ANK3: variants seen among roughly 807,000 people sequenced by gnomAD.
ANK3 encodes ankyrin 3, also known as ankyrin-3.
Under a neutral mutation model 370.9 loss-of-function variants are expected in ANK3, and 57 were observed. The observed-to-expected ratio is 0.15, with a 90% CI of 0.12 to 0.19. The LOEUF (loss-of-function observed/expected upper bound fraction) is 0.19. ANK3 is among the 10% of genes least tolerant of loss of function. The pLI is 1.00. For missense variants in ANK3, 4,439 were observed against 5,302.1 expected (o/e 0.84, Z 5.06); for synonymous variants, 1,929 against 1,946.3 (o/e 0.99, Z 0.23).
chr10:60,570,158 G>C (rs1050902328), intron 2 of ANK3, among the ~76,000 whole-genome samples: 4 of 152,150 alleles, frequency 2.6e-5, no homozygotes, highest in African/African-American at 9.7e-5. Context: ...AGTAAACTCT[G>C]ATCAGTAAAC....
chr10:60,497,695 T>G lies in ANK3; in HGVS notation c.96+117491A>C, dbSNP rs1055450540. 6.6e-5 allele frequency among the ~76,000 whole-genome samples: 10 copies of G among 152,234 alleles called. 1 individual carries two copies. Among genetic ancestry groups the G allele is most frequent in the African/African-American group, 2.4e-4 (10 of 41,468 alleles). ...TATTTACAGACTAAAAATGTTCATT[T>G]GATTGGCACTGTAGCCATCTATTTT... On this transcript the variant is annotated intron_variant, in intron 2 of 43. Transcript: ENST00000373827.
intron 8 of ANK3, among the ~76,000 whole-genome samples, chr10:60,227,543 TG>T (rs1197121989): frequency 2.0e-5 from 3 of 152,140 alleles, no homozygotes; most frequent in Admixed American, 6.5e-5. Flanking sequence ...TGGACTACAT[TG>T]TATAGATTTA....
At chr10:60,284,311 T>C (rs1023367510) in intron 1 of ANK3, among the ~76,000 whole-genome samples, 1 of 152,132 alleles carries the variant, frequency 6.6e-6, no homozygotes, top group South Asian at 2.1e-4. Flanking sequence ...AGATAATACA[T>C]TTTGATTATT....
chr10:60,269,237 T>C (rs1310241040), intron 5 of ANK3, among the ~76,000 whole-genome samples: 2 of 152,240 alleles, frequency 1.3e-5, no homozygotes, highest in African/African-American at 4.8e-5. Context: ...TAAACAACAT[T>C]ACCTAAGACA....
intron 2 of ANK3, 34 bp from the exon 3 acceptor site, chr10:60,279,182 AG>A: frequency 1.3e-6 from 2 of 1,597,064 alleles, no homozygotes; most frequent in Admixed American, 1.7e-5. Context: ...TCTACTCAGC[AG>A]GTTGAAAATA....
At position 60,081,487 on chromosome 10, in the gene ANK3, A is replaced by G. The variant is rs1327580030; in HGVS notation, c.4350+663T>C. ...AAAACCTAATTATCATATAACTTAGAGAAACATTAGGAGACAACTTAATTG... is the reference window on the plus strand; with the variant it reads ...AAAACCTAATTATCATATAACTTAGGGAAACATTAGGAGACAACTTAATTG... On this transcript the variant is annotated intron_variant, in intron 35 of 43. Coordinates refer to ENST00000280772, the MANE Select transcript of ANK3 (RefSeq NM_020987.5). 3 of 438,698 alleles carry G rather than the reference A, an allele frequency of 6.8e-6. No homozygotes were observed. The Admixed American group carries it at 8.0e-5, about 12-fold the overall frequency. The allele number at this position is 438,698 out of a possible 1,614,324, so 27.2% of individuals were successfully genotyped here.
intron 31 of ANK3, 55 bp downstream of exon 31, chr10:60,085,102 A>G: frequency 1.4e-6 from 2 of 1,441,408 alleles, no homozygotes; most frequent in Non-Finnish European, 1.9e-6. Context: ...TTTACTTTCC[A>G]AAAGGTAATA....
chr10:60,622,701 A>G (rs757019175), intron 1 of ANK3, among the ~76,000 whole-genome samples: 3 of 152,204 alleles, frequency 2.0e-5, no homozygotes, highest in Non-Finnish European at 4.4e-5. Flanking sequence ...TAAAAGAGCT[A>G]TCTTAGTAAA....
chr10:60,176,179 C>CAAAAAAAAA (rs1328240039), intron 18 of ANK3, among the ~76,000 whole-genome samples: 12 of 79,734 alleles, frequency 1.5e-4, no homozygotes, highest in South Asian at 3.7e-4. Flanking sequence ...GCTAAAAATA[C>CAAAAAAAAA]AAAAAAAAAA....
chr10:60,306,428 C>CATATATATATATATAT (rs753175801), intron 1 of ANK3, among the ~76,000 whole-genome samples: 30 of 111,998 alleles, frequency 2.7e-4, no homozygotes, highest in African/African-American at 1.1e-3. Flanking sequence ...GGTGTATGTG[C>CATATATATATATATAT]ATATATATAT....
intron 1 of ANK3, among the ~76,000 whole-genome samples, chr10:60,303,541 T>C (rs2044287620): frequency 2.6e-5 from 4 of 152,110 alleles, no homozygotes; most frequent in African/African-American, 9.7e-5. Context: ...CAATGAGCTA[T>C]GACCTCACAC....
At chr10:60,304,768 CA>C (rs2044624925) in intron 1 of ANK3, among the ~76,000 whole-genome samples, 1 of 152,168 alleles carries the variant, frequency 6.6e-6, no homozygotes, top group African/African-American at 2.4e-5. Flanking sequence ...GACTGCACAT[CA>C]AAATCTAGAG....
At chr10:60,663,122 C>T (rs1304860134) in intron 1 of ANK3, among the ~76,000 whole-genome samples, 1 of 152,164 alleles carries the variant, frequency 6.6e-6, no homozygotes, top group Non-Finnish European at 1.5e-5. Context: ...AAGTAATGTG[C>T]TAGCTATGCA....
chr10:60,423,470 T>A (rs1000274834), intron 2 of ANK3, among the ~76,000 whole-genome samples: 1 of 151,888 alleles, frequency 6.6e-6, no homozygotes, highest in Non-Finnish European at 1.5e-5. Context: ...CAGGACTTTT[T>A]AATAATCAAA....
intron 8 of ANK3, among the ~76,000 whole-genome samples, chr10:60,216,581 A>G (rs2096940656): frequency 6.6e-6 from 1 of 152,108 alleles, no homozygotes; most frequent in Non-Finnish European, 1.5e-5. Context: ...TGATTTGCTT[A>G]AGTTGAACCA....
intron 17 of ANK3, among the ~76,000 whole-genome samples, chr10:60,185,150 T>C (rs1274407102): frequency 1.3e-5 from 2 of 151,992 alleles, no homozygotes; most frequent in Non-Finnish European, 2.9e-5. Context: ...AAGAAAAAAA[T>C]AAAATTAAAA....
chr10:60,161,946 A>T (rs1483224473), intron 23 of ANK3, among the ~76,000 whole-genome samples: 1 of 152,226 alleles, frequency 6.6e-6, no homozygotes, highest in African/African-American at 2.4e-5. Flanking sequence ...TCAATGCTTG[A>T]GGTGATAGAT....
intron 1 of ANK3, among the ~76,000 whole-genome samples, chr10:60,661,909 T>A (rs2078940436): frequency 6.6e-6 from 1 of 152,050 alleles, no homozygotes. Context: ...TGCACTTTCA[T>A]CCCCCAAACA....
chr10:60,421,806 A>G (rs923540757), intron 2 of ANK3, among the ~76,000 whole-genome samples: 4 of 152,120 alleles, frequency 2.6e-5, no homozygotes, highest in Non-Finnish European at 5.9e-5. Context: ...ATCCTCCTTC[A>G]GAATTGGTCA....
Sources: gnomAD v4.1 joint callset for allele counts (sites outside exome capture counted in the v4.1 genomes callset) on GRCh38, gnomAD v4.1.1 for gene constraint, MANE v1.5 for transcripts, NCBI Gene and HGNC (gene_info 2026-07-23, HGNC 2026-07-21) for gene names.